SDK1: variants seen among roughly 807,000 people sequenced by gnomAD.
SDK1 encodes protein sidekick-1.
In SDK1, 157 loss-of-function variants were observed where a neutral mutation model predicts 245.5. The ratio of observed to expected loss-of-function variants is 0.64; its 90% CI spans 0.56 to 0.73. The LOEUF (loss-of-function observed/expected upper bound fraction) is 0.73. Among genes scored for constraint, SDK1 ranks in the 30% least tolerant of loss-of-function variants. SDK1 has a pLI of 0.00. For missense variants in SDK1, 3,583 were observed against 3,002.3 expected (o/e 1.19, Z -4.52); for synonymous variants, 1,647 against 1,278.5 (o/e 1.29, Z -6.15).
intron 1 of SDK1, among the ~76,000 whole-genome samples, chr7:3,531,334 T>C (rs1783336880): frequency 6.6e-6 from 1 of 152,240 alleles, no homozygotes; most frequent in Non-Finnish European, 1.5e-5. Flanking sequence ...TTCACGCTTA[T>C]TTCGACTTAG....
chr7:3,826,363 A>G (rs1176014082), intron 5 of SDK1, among the ~76,000 whole-genome samples: 2 of 152,172 alleles, frequency 1.3e-5, no homozygotes, highest in African/African-American at 4.8e-5. Flanking sequence ...ATGGAAATCC[A>G]TATTTTACTT....
At chr7:3,454,804 G>A (rs943794155) in intron 1 of SDK1, among the ~76,000 whole-genome samples, 1 of 152,126 alleles carries the variant, frequency 6.6e-6, no homozygotes, top group East Asian at 1.9e-4. Flanking sequence ...TTTCCATGCA[G>A]GTTTTTGTGC....
intron 32 of SDK1, among the ~76,000 whole-genome samples, chr7:4,162,363 GTTGTTGTTATTATTA>G (rs1346769282): frequency 8.6e-5 from 10 of 116,336 alleles, no homozygotes; most frequent in African/African-American, 3.0e-4. Flanking sequence ...GGTGGTTGTT[GTTGTTGTTATTATTA>G]TTATTATTAT....
At chr7:3,520,249 T>G (rs376496229) in intron 1 of SDK1, among the ~76,000 whole-genome samples, 11 of 152,290 alleles carry the variant, frequency 7.2e-5, no homozygotes, top group African/African-American at 2.6e-4. Context: ...GTTCATAGTT[T>G]CACCCTGCTT....
rs547001406 is a variant in SDK1, at chr7:3,607,911, G to A, written c.299-11169G>A. ...TCTAGAGCAGCAGTTCCCAAAGTGT[G>A]GTTCAAGAACCTGTGGCAGACCCTG... On this transcript the variant is annotated intron_variant, in intron 1 of 44. Transcript: ENST00000404826. Among the ~76,000 whole-genome samples, 9 of 152,336 alleles carry A rather than the reference G, an allele frequency of 5.9e-5. No homozygotes were observed. The East Asian group carries it at 1.7e-3, about 29-fold the overall frequency.
At chr7:4,254,525 T>C (rs750036469) in intron 44 of SDK1, among the ~76,000 whole-genome samples, 2 of 152,222 alleles carry the variant, frequency 1.3e-5, no homozygotes, top group African/African-American at 4.8e-5. Flanking sequence ...TACCTTTAAT[T>C]TTTTAAACAT....
intron 1 of SDK1, among the ~76,000 whole-genome samples, chr7:3,421,486 C>G (rs951314946): frequency 6.6e-6 from 1 of 152,136 alleles, no homozygotes; most frequent in Non-Finnish European, 1.5e-5. Context: ...ATTTTTGCTA[C>G]TTGCTGATAG....
chr7:4,267,103 T>G lies in SDK1; in HGVS notation c.*1719T>G, dbSNP rs1788515274. 1.0e-6 allele frequency: 1 copy of G among 985,234 alleles called. No individual in the cohort carries two copies. The highest frequency in any genetic ancestry group is 1.1e-4 in the East Asian group (1 of 8,802). 61.0% of individuals were successfully genotyped at this position (985,234 alleles called of 1,614,324 possible). On this transcript the variant is annotated 3_prime_UTR_variant, in exon 45 of 45. Coordinates refer to ENST00000404826, the MANE Select transcript of SDK1 (RefSeq NM_152744.4). ...ATGGCCCCAGGAGACCAAGGAGAGT[T>G]TTGTATAGGCTGGAAAACCCCTTTT...
At chr7:3,517,115 C>T (rs1307805382) in intron 1 of SDK1, among the ~76,000 whole-genome samples, 2 of 152,120 alleles carry the variant, frequency 1.3e-5, no homozygotes, top group Non-Finnish European at 2.9e-5. Context: ...AACCTAGTTA[C>T]ATTTTTAGTC....
intron 17 of SDK1, among the ~76,000 whole-genome samples, chr7:4,020,413 C>T (rs1029166125): frequency 5.9e-5 from 9 of 152,140 alleles, no homozygotes; most frequent in African/African-American, 2.2e-4. Flanking sequence ...ATGAAGCGAG[C>T]GTATGAATTC....
intron 4 of SDK1, among the ~76,000 whole-genome samples, chr7:3,707,475 G>A (rs77420632): frequency 1.4e-4 from 21 of 152,136 alleles, no homozygotes; most frequent in African/African-American, 3.4e-4. Context: ...TCCATTATAC[G>A]GTCTATCTTG....
intron 5 of SDK1, among the ~76,000 whole-genome samples, chr7:3,880,017 T>C (rs1250640197): frequency 2.6e-5 from 4 of 152,172 alleles, no homozygotes; most frequent in Non-Finnish European, 5.9e-5. Context: ...GGCTTTATAA[T>C]TTCCCTTCTA....
intron 25 of SDK1, among the ~76,000 whole-genome samples, chr7:4,122,170 C>A (rs1784105848): frequency 6.6e-6 from 1 of 152,198 alleles, no homozygotes; most frequent in South Asian, 2.1e-4. Flanking sequence ...ATGGAGATTT[C>A]ACAGCCTTCT....
chr7:4,205,897 A>G lies in SDK1; in HGVS notation c.5117A>G (p.Gln1706Arg). The change falls in exon 36 of 45, where the codon CAG becomes CGG. Residue 1706 changes from glutamine to arginine, a missense_variant. Physicochemically the swap from Gln to Arg is conservative, Grantham distance 43 (BLOSUM62 1). Coordinates refer to ENST00000404826, the MANE Select transcript of SDK1 (RefSeq NM_152744.4). ...TCCTCAGCCCCGGCCATGGCCCCGC[A>G]GAACGTGCAGGTGACCCCACTCACG... Reference protein sequence around the residue: ...VGEAAPAMAPQNVQVTPLTAS... With the variant: ...VGEAAPAMAPRNVQVTPLTAS... 6.4e-7 allele frequency: 1 copy of G among 1,555,668 alleles called. No homozygotes were observed. Among genetic ancestry groups the G allele is most frequent in the South Asian group, 1.2e-5 (1 of 84,354 alleles).
chr7:3,527,257 A>G (rs1182310308), intron 1 of SDK1, among the ~76,000 whole-genome samples: 1 of 152,228 alleles, frequency 6.6e-6, no homozygotes, highest in African/African-American at 2.4e-5. Flanking sequence ...GATGCCATAT[A>G]CAAATTACAT....
intron 12 of SDK1, 51 bp from the exon 13 acceptor site, chr7:3,974,318 G>A (rs1782725311): frequency 6.5e-7 from 1 of 1,530,138 alleles, no homozygotes; most frequent in African/African-American, 1.4e-5. Flanking sequence ...AAGGAGCAGT[G>A]ATTCTGTCAC....
At chr7:3,583,501 T>C (rs189490917) in intron 1 of SDK1, among the ~76,000 whole-genome samples, 2 of 152,208 alleles carry the variant, frequency 1.3e-5, no homozygotes, top group Admixed American at 1.3e-4. Flanking sequence ...CACATCTGTA[T>C]TTAGATCTTG....
chr7:3,398,417 A>G (rs1275771036), intron 1 of SDK1, among the ~76,000 whole-genome samples: 2 of 150,382 alleles, frequency 1.3e-5, no homozygotes, highest in African/African-American at 4.9e-5. Flanking sequence ...GTTTCTTAGC[A>G]TTTTTTTTTC....
intron 35 of SDK1, among the ~76,000 whole-genome samples, chr7:4,187,841 G>C (rs1782980895): frequency 6.6e-6 from 1 of 152,166 alleles, no homozygotes; most frequent in Non-Finnish European, 1.5e-5. Flanking sequence ...AGTCTCAACT[G>C]TTAGAAAATT....
Sources: allele counts gnomAD v4.1 joint callset (sites outside exome capture counted in the v4.1 genomes callset), GRCh38; gene constraint gnomAD v4.1.1; transcripts MANE v1.5; gene names NCBI Gene and HGNC (gene_info 2026-07-23, HGNC 2026-07-21).